Variants in CEP250 observed in about 807,000 individuals in gnomAD.
CEP250 encodes centrosome-associated protein CEP250.
In CEP250, 242 loss-of-function variants were observed where a neutral mutation model predicts 315.7. That is an observed-to-expected ratio of 0.77 (90% CI 0.69 to 0.85). The LOEUF (loss-of-function observed/expected upper bound fraction) is 0.85, where lower values mean the gene tolerates loss of function less well. Among genes scored for constraint, CEP250 ranks in the 40% least tolerant of loss-of-function variants. CEP250 has a pLI of 0.00. For missense variants in CEP250, 2,515 were observed against 2,886.4 expected (o/e 0.87, Z 2.95); for synonymous variants, 1,088 against 1,175.0 (o/e 0.93, Z 1.51).
intron 3 of CEP250, among the ~76,000 whole-genome samples, chr20:35,460,713 T>C (rs943087666): frequency 6.6e-6 from 1 of 152,246 alleles, no homozygotes; most frequent in Non-Finnish European, 1.5e-5. Context: ...CAATGATAAA[T>C]GTTGGCACCT....
Position 35,503,422 on chromosome 20 carries a change from C to T in CEP250, c.5053C>T (p.Leu1685=), listed in dbSNP as rs753209072. The part of the protein sequence containing the change: ...TRQTKILEED[L]EQIKLSLRER... The stretch of plus-strand genomic sequence containing the variant: ...GCAGACCAAGATCCTGGAGGAGGAC[C>T]TGGAACAGATCAAGCTGTCCTTGAG... Residue 1685 remains leucine (L), a synonymous_variant, in exon 30 of 35, where the codon CTG becomes TTG. Transcript: ENST00000397527. The surrounding 1 kb of genome is among the most constrained non-coding windows in gnomAD (Gnocchi z 4.2). 10 of 1,614,064 alleles carry T rather than the reference C, an allele frequency of 6.2e-6. No homozygotes were observed. The East Asian group carries it at 2.0e-4, about 32-fold the overall frequency.
rs933070621 is a variant in CEP250, at chr20:35,513,971, C to G, written c.*2345C>G. 1 of 152,326 alleles carries G rather than the reference C, an allele frequency of 6.6e-6. No individual in the cohort carries two copies. Among genetic ancestry groups the G allele is most frequent in the Non-Finnish European group, 1.5e-5 (1 of 68,112 alleles). The allele number at this position is 152,326 out of a possible 1,614,324, so 9.4% of individuals were successfully genotyped here. A position where few individuals can be genotyped will look rare whatever the true frequency, so the allele number is the denominator to read the frequency against. On this transcript the variant is annotated 3_prime_UTR_variant, in exon 35 of 35. Transcript: ENST00000397527. ...TAGACTGTGCTCTTGCCCTCACACT[C>G]GAGCTTGTGGATGATCTTCCACTCC... is the stretch of plus-strand genomic sequence containing the variant.
chr20:35,493,638 T>A (rs2063759169), intron 23 of CEP250, 66 bp downstream of exon 23: 1 of 1,422,424 alleles, frequency 7.0e-7, no homozygotes, highest in African/African-American at 1.5e-5. Flanking sequence ...TCCCACTTCC[T>A]CTTGCAGGAC....
Position 35,502,618 on chromosome 20 carries a change from A to G in CEP250, c.4249A>G (p.Lys1417Glu). Residue 1417 changes from lysine to glutamate, a missense_variant, in exon 30 of 35, where the codon AAG becomes GAG. Lys to Glu is a moderately conservative substitution (Grantham distance 56). Coordinates refer to ENST00000397527, the MANE Select transcript of CEP250 (RefSeq NM_007186.6). ...GGGCGAACTGAAGGTGGCCCAAGGG[A>G]AGGCTCTGCAAGAGAATTTGGCCCT... ...EQGELKVAQGKALQENLALLT... is the reference protein window; with the variant it reads ...EQGELKVAQGEALQENLALLT... 2 of 1,614,264 alleles carry G rather than the reference A, an allele frequency of 1.2e-6. No homozygotes were observed. Among genetic ancestry groups the G allele is most frequent in the Non-Finnish European group, 1.7e-6 (2 of 1,180,050 alleles).
At chr20:35,475,745 T>C in intron 15 of CEP250, 99 bp downstream of exon 15, 1 of 1,312,838 alleles carries the variant, frequency 7.6e-7, no homozygotes, top group Non-Finnish European at 1.1e-6. Context: ...GGATCCCTCA[T>C]CTTTCCTCAA....
At chr20:35,474,160 T>C in intron 14 of CEP250, 108 bp downstream of exon 14, 4 of 930,206 alleles carry the variant, frequency 4.3e-6, no homozygotes, top group Non-Finnish European at 6.2e-6. Flanking sequence ...AAGTCTGGCA[T>C]GCAGTGGGTT....
chr20:35,488,744 G>T lies in CEP250; in HGVS notation c.2587-1893G>T, dbSNP rs151297075. On this transcript the variant is annotated intron_variant, in intron 20 of 34. Coordinates refer to ENST00000397527, the MANE Select transcript of CEP250 (RefSeq NM_007186.6). ...CTCGCAAAATGTTGGGATAATATAT[G>T]TGAACTACCACGTCCAGCCAGACCA... 1.6e-3 allele frequency among the ~76,000 whole-genome samples: 239 copies of T among 152,308 alleles called. 2 individuals carry two copies. Among genetic ancestry groups the T allele is most frequent in the East Asian group, 0.015 (76 of 5,180 alleles).
At chr20:35,476,152 C>T in intron 15 of CEP250, 1 of 285,220 alleles carries the variant, frequency 3.5e-6, no homozygotes, top group South Asian at 5.6e-5. Flanking sequence ...GCATATTTGA[C>T]TCTTCCAAAC....
chr20:35,483,999 A>G (rs2063432986), intron 20 of CEP250, among the ~76,000 whole-genome samples: 1 of 149,878 alleles, frequency 6.7e-6, no homozygotes, highest in South Asian at 2.1e-4. Context: ...TTTTCAGTCC[A>G]TTCTTTTAAA....
At chr20:35,508,793 T>A in intron 32 of CEP250, 150 bp from the exon 33 acceptor site, 1 of 653,762 alleles carries the variant, frequency 1.5e-6, no homozygotes. Context: ...AGGCCTGCCC[T>A]AGCTGTGCCT....
In CEP250 at chr20:35,477,950, C is replaced by A; in HGVS notation, c.1943C>A (p.Ala648Glu). 1 of 1,611,692 alleles carries A rather than the reference C, an allele frequency of 6.2e-7. No homozygotes were observed. Among genetic ancestry groups the A allele is most frequent in the Non-Finnish European group, 8.5e-7 (1 of 1,179,086 alleles). Residue 648 changes from alanine to glutamate, a missense_variant, in exon 17 of 35, where the codon GCG (alanine) becomes GAG (glutamate). Transcript: ENST00000397527. ...AGAAATGCTTTGCAGGTCGACCTGGCGGAGGCAGAGAAGAGGAGGGAAGCC... is the reference window on the plus strand; with the variant it reads ...AGAAATGCTTTGCAGGTCGACCTGGAGGAGGCAGAGAAGAGGAGGGAAGCC... ...QARNALQVDL[A>E]EAEKRREALW...
intron 4 of CEP250, 62 bp downstream of exon 4, chr20:35,462,615 T>C: frequency 2.1e-6 from 3 of 1,436,230 alleles, no homozygotes; most frequent in Non-Finnish European, 2.8e-6. Flanking sequence ...GGTGCTGAGG[T>C]GAGATAAGGG....
At position 35,511,431 on chromosome 20, in the gene CEP250, A is replaced by G. The variant is rs752731203; in HGVS notation, c.7134A>G (p.Ala2378=). 2 of 1,613,634 alleles carry G rather than the reference A, an allele frequency of 1.2e-6. No homozygotes were observed. Among genetic ancestry groups the G allele is most frequent in the African/African-American group, 1.3e-5 (1 of 74,740 alleles). The change falls in exon 35 of 35, where the codon GCA becomes GCG. Residue 2378 remains alanine (A), a synonymous_variant. Transcript: ENST00000397527. The part of the protein sequence containing the change: ...KQKQDYITRS[A]QTSRELAGLH... ...AGCAGGACTACATCACCCGCTCAGC[A>G]CAGACCAGCCGTGAGCTAGCAGGCC...
chr20:35,471,868 C>T (rs570062035), intron 10 of CEP250, among the ~76,000 whole-genome samples, 182 bp from the exon 11 acceptor site: 2 of 152,308 alleles, frequency 1.3e-5, no homozygotes, highest in South Asian at 4.1e-4. Context: ...TTAATCTAAA[C>T]TTGTAATCAC....
At chr20:35,496,164 A>G (rs575277075) in intron 24 of CEP250, among the ~76,000 whole-genome samples, 29 of 152,088 alleles carry the variant, frequency 1.9e-4, no homozygotes, top group African/African-American at 7.0e-4. Flanking sequence ...TATGTGTGAA[A>G]TTTGCCAGAG....
At chr20:35,483,335 AT>A (rs1253884293) in intron 20 of CEP250, among the ~76,000 whole-genome samples, 1 of 135,464 alleles carries the variant, frequency 7.4e-6, no homozygotes, top group African/African-American at 2.8e-5. Flanking sequence ...AAAAAAAAAA[AT>A]TTTTTTTTTT....
chr20:35,496,557 T>A lies in CEP250; in HGVS notation c.3168-20T>A, dbSNP rs774577056. ...ATTCCCTAAGAGAATGGCCCAGCAC[T>A]CTGACCCCTCTCTTTTTAGCCTGAC... On this transcript the variant is annotated intron_variant, in intron 24 of 34. Coordinates refer to ENST00000397527, the MANE Select transcript of CEP250 (RefSeq NM_007186.6). The A allele has an allele frequency of 1.9e-6, 3 of 1,612,226 alleles. No homozygotes were observed. The South Asian group carries it at 3.3e-5, about 18-fold the overall frequency.
In CEP250 at chr20:35,473,518, G is replaced by A. The variant is rs2063080140; in HGVS notation, c.1354G>A (p.Val452Met). 5.0e-6 allele frequency: 8 copies of A among 1,614,022 alleles called. No homozygotes were observed. The highest frequency in any genetic ancestry group is 6.8e-6 in the Non-Finnish European group (8 of 1,179,972). ...GCGGGACACTCTGGCAGGGCAGACT[G>A]TGGACCTCCAGGGAGAGGTGGACTC... ...GERDTLAGQT[V>M]DLQGEVDSLS... Residue 452 changes from valine to methionine, a missense_variant, in exon 13 of 35, where the codon GTG (valine) becomes ATG (methionine). Transcript: ENST00000397527.
Position 35,511,671 on chromosome 20 carries a change from C to A in CEP250, c.*45C>A. The stretch of plus-strand genomic sequence containing the variant: ...ACAGACAGAAGACTGTGTCATGGGT[C>A]ATGGCCCCTCCGCACACCTACAGGT... On this transcript the variant is annotated 3_prime_UTR_variant, in exon 35 of 35. Coordinates refer to ENST00000397527, the MANE Select transcript of CEP250 (RefSeq NM_007186.6). 6.4e-7 allele frequency: 1 copy of A among 1,568,364 alleles called. No homozygotes were observed. Among genetic ancestry groups the A allele is most frequent in the South Asian group, 1.2e-5 (1 of 84,800 alleles).
Sources: allele counts gnomAD v4.1 joint callset (sites outside exome capture counted in the v4.1 genomes callset), GRCh38; gene constraint gnomAD v4.1.1; non-coding constraint Gnocchi (gnomAD v3.1); transcripts MANE v1.5; gene names NCBI Gene and HGNC (gene_info 2026-07-23, HGNC 2026-07-21).